The following RGSL1 variants were observed in gnomAD, a reference collection of about 807,000 sequenced individuals.
The protein encoded by RGSL1 is regulator of G protein signaling like 1.
A neutral mutation model predicts 124.7 loss-of-function variants in RGSL1; 97 were observed. The ratio of observed to expected loss-of-function variants is 0.78; its 90% confidence interval spans 0.66 to 0.92. The LOEUF is 0.92. Among genes scored for constraint, RGSL1 ranks in the 40% least tolerant of loss-of-function variants. RGSL1 has a pLI of 0.00. For synonymous variants in RGSL1, 424 were observed against 438.1 expected (o/e 0.97, Z 0.40); for missense variants, 1,233 against 1,288.4 (o/e 0.96, Z 0.66).
intron 9 of RGSL1, among the ~76,000 whole-genome samples, chr1:182,515,756 C>T (rs1657841558): frequency 6.6e-6 from 1 of 152,080 alleles, no homozygotes; most frequent in Non-Finnish European, 1.5e-5. Context: ...TTTTCCCACC[C>T]GCACCGTGGC....
rs138137377 is a variant in RGSL1, at chr1:182,450,405, G to A, written c.13+227G>A. 1,523 of 582,216 alleles carry A rather than the reference G, an allele frequency of 2.6e-3. 2 individuals carry two copies. Among genetic ancestry groups the A allele is most frequent in the Non-Finnish European group, 3.9e-3 (1,255 of 324,908 alleles). The allele number at this position is 582,216 out of a possible 1,614,324, so 36.1% of individuals were successfully genotyped here. A position where few individuals can be genotyped will look rare whatever the true frequency, so the allele number is the denominator to read the frequency against. The stretch of plus-strand genomic sequence containing the variant: ...GGGCCTTATTCATAAGACAACTAAG[G>A]CAAGAGGGAGGAAGTAAAATGTGGA... On this transcript the variant is annotated intron_variant, in intron 1 of 21. Transcript: ENST00000294854.
At chr1:182,515,893 C>T (rs1037412919) in intron 9 of RGSL1, among the ~76,000 whole-genome samples, 3 of 152,210 alleles carry the variant, frequency 2.0e-5, no homozygotes, top group African/African-American at 7.2e-5. Context: ...GAAACCACAT[C>T]GTTCTGAATT....
chr1:182,554,577 G>A (rs1162957692), intron 19 of RGSL1, 50 bp from the exon 20 acceptor site: 5 of 1,507,350 alleles, frequency 3.3e-6, no homozygotes, highest in Middle Eastern at 1.7e-4. Context: ...TTCAGTGACT[G>A]CGTCTATGTC....
At chr1:182,501,307 CTTTTTTTTTTTTTTTTTTTTTT>C (rs141279993) in intron 9 of RGSL1, among the ~76,000 whole-genome samples, 3 of 61,342 alleles carry the variant, frequency 4.9e-5, no homozygotes, top group Non-Finnish European at 8.5e-5. Flanking sequence ...TTTTTCTTTT[CTTTTTTTTTTTTTTTTTTTTTT>C]TTTTTTTTGA....
rs559190958 is a variant in RGSL1 at position 182,531,425 on chromosome 1, A to G, written c.2364+515A>G. Among the ~76,000 whole-genome samples, 3 of 152,304 alleles carry G rather than the reference A, an allele frequency of 2.0e-5. No homozygotes were observed. In the South Asian group the frequency reaches 6.2e-4, roughly 32 times the overall value. On this transcript the variant is annotated intron_variant, in intron 13 of 21. Transcript: ENST00000294854. ...GGAAGAAAGAGGGGACAGGAATGTT[A>G]CTCAGGAAAGTCTCTATGGTTTGAG...
chr1:182,518,784 T>G (rs1233052624), intron 9 of RGSL1, among the ~76,000 whole-genome samples: 2 of 152,092 alleles, frequency 1.3e-5, no homozygotes, highest in Non-Finnish European at 2.9e-5. Flanking sequence ...TTTTCACTTC[T>G]CTGCATCTCT....
intron 9 of RGSL1, among the ~76,000 whole-genome samples, chr1:182,516,114 A>G (rs954205993): frequency 3.3e-5 from 5 of 152,122 alleles, no homozygotes; most frequent in African/African-American, 1.2e-4. Flanking sequence ...CCAGGGCTTT[A>G]CTCCGGTCCT....
chr1:182,497,336 A>G (rs547342422), intron 9 of RGSL1, among the ~76,000 whole-genome samples: 1 of 146,656 alleles, frequency 6.8e-6, no homozygotes, highest in Admixed American at 6.9e-5. Context: ...TTATATATAT[A>G]TATTTTTATA....
chr1:182,548,346 T>A lies in RGSL1; in HGVS notation c.2699T>A (p.Met900Lys). 1 of 1,552,152 alleles carries A rather than the reference T, an allele frequency of 6.4e-7. No individual in the cohort carries two copies. Among genetic ancestry groups the A allele is most frequent in the Middle Eastern group, 1.7e-4 (1 of 5,996 alleles). The change falls in exon 16 of 22, where the codon ATG becomes AAG. Residue 900 changes from methionine to lysine, a missense_variant. By Grantham distance (95) the Met-to-Lys change is moderately conservative. Transcript: ENST00000294854. ...KFNDLVSSAHMLQVNRAYNEN... is the reference protein window; with the variant it reads ...KFNDLVSSAHKLQVNRAYNEN... ...AATGATCTGGTCAGTTCAGCCCACA[T>A]GCTGCAGGTCAACCGGGCATATAAT...
At chr1:182,462,330 C>T (rs1243837405) in intron 4 of RGSL1, among the ~76,000 whole-genome samples, 2 of 152,092 alleles carry the variant, frequency 1.3e-5, no homozygotes, top group Non-Finnish European at 2.9e-5. Context: ...GGGAGCTTTC[C>T]CGCAAGAAAT....
intron 5 of RGSL1, among the ~76,000 whole-genome samples, chr1:182,473,128 G>T (rs527591876): frequency 6.6e-6 from 1 of 152,304 alleles, no homozygotes; most frequent in East Asian, 1.9e-4. Context: ...TCCAAAAGAT[G>T]TGCTGTTTGG....
intron 15 of RGSL1, among the ~76,000 whole-genome samples, chr1:182,541,991 T>C (rs1355196569): frequency 6.6e-6 from 1 of 152,202 alleles, no homozygotes; most frequent in Non-Finnish European, 1.5e-5. Flanking sequence ...TCTTGTCAGA[T>C]GGATAGTTTG....
At chr1:182,497,922 C>G (rs1656053951) in intron 9 of RGSL1, among the ~76,000 whole-genome samples, 1 of 152,092 alleles carries the variant, frequency 6.6e-6, no homozygotes, top group African/African-American at 2.4e-5. Flanking sequence ...AATGGGGTCT[C>G]ACTATGTTCT....
chr1:182,533,747 A>G (rs909521394), intron 14 of RGSL1, among the ~76,000 whole-genome samples: 3 of 152,244 alleles, frequency 2.0e-5, no homozygotes, highest in African/African-American at 7.2e-5. Flanking sequence ...TAAGAGGGTT[A>G]GCTAGTGTTA....
Position 182,513,273 on chromosome 1 carries a change from C to T in RGSL1, c.1826-8731C>T, listed in dbSNP as rs76787241. On this transcript the variant is annotated intron_variant, in intron 9 of 21. Transcript: ENST00000294854. Reference sequence around the variant, plus strand: ...TTTGGGGAAAACAGAAGTCAGATTCCTCCCCAATCTACCTAAGGGTCTCTG... The same window carrying T: ...TTTGGGGAAAACAGAAGTCAGATTCTTCCCCAATCTACCTAAGGGTCTCTG... Among the ~76,000 whole-genome samples the T allele has an allele frequency of 3.0e-3, 451 of 152,326 alleles. 3 individuals are homozygous for T. Among genetic ancestry groups the T allele is most frequent in the Non-Finnish European group, 5.1e-3 (349 of 68,032 alleles).
At chr1:182,453,087 C>G (rs1046721109) in intron 1 of RGSL1, among the ~76,000 whole-genome samples, 2 of 152,222 alleles carry the variant, frequency 1.3e-5, no homozygotes, top group African/African-American at 4.8e-5. Flanking sequence ...TTAGTTGCTT[C>G]ATTCACCTGG....
At chr1:182,474,597 C>T in intron 6 of RGSL1, 55 bp downstream of exon 6, 1 of 1,476,210 alleles carries the variant, frequency 6.8e-7, no homozygotes, top group Non-Finnish European at 9.0e-7. Flanking sequence ...TCAAAACTGA[C>T]TAAAAATCCC....
At chr1:182,531,323 T>C (rs1464532428) in intron 13 of RGSL1, among the ~76,000 whole-genome samples, 1 of 152,122 alleles carries the variant, frequency 6.6e-6, no homozygotes, top group Non-Finnish European at 1.5e-5. Context: ...AGAGAGAGAA[T>C]GCAAAGTGCT....
intron 9 of RGSL1, among the ~76,000 whole-genome samples, chr1:182,518,029 T>C (rs1658028642): frequency 1.4e-5 from 2 of 147,562 alleles, no homozygotes; most frequent in Middle Eastern, 3.4e-3. Flanking sequence ...ATATATTTGC[T>C]TAGAGGTTTT....
Sources: gnomAD v4.1 joint callset for allele counts (sites outside exome capture counted in the v4.1 genomes callset) on GRCh38, gnomAD v4.1.1 for gene constraint, MANE v1.5 for transcripts, NCBI Gene and HGNC (gene_info 2026-07-23, HGNC 2026-07-21) for gene names.